The following CCDC7 variants were observed in gnomAD, a reference collection of about 807,000 sequenced individuals.
CCDC7 encodes the protein coiled-coil domain-containing protein 7.
A neutral mutation model predicts 196.9 loss-of-function variants in CCDC7; 183 were observed. The observed-to-expected ratio is 0.93, with a 90% confidence interval of 0.82 to 1.05. The LOEUF (loss-of-function observed/expected upper bound fraction) is 1.05. Ranked by LOEUF, CCDC7 falls within the 50% of genes least tolerant of loss-of-function variation. The pLI is 0.00. For missense variants in CCDC7, 1,540 were observed against 1,482.2 expected (o/e 1.04, Z -0.64); for synonymous variants, 525 against 484.6 (o/e 1.08, Z -1.10).
chr10:32,794,797 G>A (rs2083286786), intron 29 of CCDC7, among the ~76,000 whole-genome samples: 2 of 152,098 alleles, frequency 1.3e-5, no homozygotes, highest in African/African-American at 4.8e-5. Context: ...GCTGATTTAT[G>A]TTCCTTATAG....
rs141082524 is a variant in CCDC7 at position 32,509,916 on chromosome 10, A to C, written c.873-8029A>C. Among the ~76,000 whole-genome samples, 4 of 152,316 alleles carry C rather than the reference A, an allele frequency of 2.6e-5. No individual in the cohort carries two copies. The East Asian group carries it at 7.7e-4, about 29-fold the overall frequency. On this transcript the variant is annotated intron_variant, in intron 9 of 41. Transcript: ENST00000639629. ...TTAGCAAGGATTTGGAGAAAAGGGA[A>C]CCCTTCAACACTACTGGTGGGAATG...
chr10:32,466,060 C>T (rs1277189003), intron 5 of CCDC7, among the ~76,000 whole-genome samples: 2 of 152,114 alleles, frequency 1.3e-5, no homozygotes, highest in Admixed American at 6.6e-5. Context: ...ATCCATTTTG[C>T]CTGAAATCCC....
intron 3 of CCDC7, among the ~76,000 whole-genome samples, chr10:32,458,586 G>A (rs780908798): frequency 7.3e-5 from 11 of 151,554 alleles, no homozygotes; most frequent in Non-Finnish European, 1.3e-4. Context: ...TGGGCTTGAG[G>A]GATCCTCTTG....
At chr10:32,665,712 T>G (rs1338384731) in intron 21 of CCDC7, among the ~76,000 whole-genome samples, 3 of 152,036 alleles carry the variant, frequency 2.0e-5, no homozygotes, top group Non-Finnish European at 4.4e-5. Flanking sequence ...TCTTTTATGG[T>G]TACATATGAA....
chr10:32,570,169 C>T (rs1462005810), intron 15 of CCDC7, among the ~76,000 whole-genome samples: 1 of 152,172 alleles, frequency 6.6e-6, no homozygotes, highest in African/African-American at 2.4e-5. Context: ...TCTTCTCAGA[C>T]CTGCTTTATC....
intron 18 of CCDC7, among the ~76,000 whole-genome samples, chr10:32,615,161 T>A (rs2062642193): frequency 6.6e-6 from 1 of 152,182 alleles, no homozygotes; most frequent in South Asian, 2.1e-4. Context: ...GTTATCTTTT[T>A]GTATAATGAT....
chr10:32,482,306 G>A (rs2040120891), intron 8 of CCDC7, among the ~76,000 whole-genome samples: 1 of 151,782 alleles, frequency 6.6e-6, no homozygotes, highest in African/African-American at 2.4e-5. Flanking sequence ...CCTGAATAGT[G>A]AACATTGTAT....
rs2074950890 is a variant in CCDC7 at position 32,676,272 on chromosome 10, A to G, written c.2123-9698A>G. ...GACCTAAAACCATAAAAACCCTAGAAGAAAACCTAGGCAATACCATTCAGG... is the reference window on the plus strand; with the variant it reads ...GACCTAAAACCATAAAAACCCTAGAGGAAAACCTAGGCAATACCATTCAGG... On this transcript the variant is annotated intron_variant, in intron 21 of 41. Transcript: ENST00000639629. 2.7e-5 allele frequency among the ~76,000 whole-genome samples: 4 copies of G among 150,120 alleles called. No individual in the cohort carries two copies. The South Asian group carries it at 8.6e-4, about 32-fold the overall frequency.
chr10:32,723,112 T>C (rs11597442), intron 25 of CCDC7, among the ~76,000 whole-genome samples: 21,971 of 152,056 alleles, frequency 0.14, 1,912 homozygotes, highest in African/African-American at 0.25. Context: ...GCCCCATGGC[T>C]CACTACCTTG....
chr10:32,460,562 C>T (rs574996043), intron 3 of CCDC7, among the ~76,000 whole-genome samples: 11 of 152,056 alleles, frequency 7.2e-5, no homozygotes, highest in East Asian at 1.9e-4. Context: ...TTGAGAACCC[C>T]GGAATCTTTC....
intron 18 of CCDC7, among the ~76,000 whole-genome samples, chr10:32,596,891 A>G (rs1267765047): frequency 1.3e-5 from 2 of 152,196 alleles, no homozygotes; most frequent in Non-Finnish European, 2.9e-5. Flanking sequence ...CTGCCGAGAC[A>G]TCTGCTGTTA....
chr10:32,844,293 A>G (rs1369028241), intron 33 of CCDC7, among the ~76,000 whole-genome samples: 3 of 151,974 alleles, frequency 2.0e-5, no homozygotes, highest in Admixed American at 2.0e-4. Context: ...TGCTACTACA[A>G]GTTTACTTAC....
At chr10:32,492,271 A>G (rs1443146480) in intron 9 of CCDC7, among the ~76,000 whole-genome samples, 2 of 152,148 alleles carry the variant, frequency 1.3e-5, no homozygotes, top group Non-Finnish European at 2.9e-5. Flanking sequence ...GCTATGGGAA[A>G]ATAGTATATT....
At chr10:32,470,060 A>C (rs1316194756) in intron 5 of CCDC7, among the ~76,000 whole-genome samples, 1 of 152,020 alleles carries the variant, frequency 6.6e-6, no homozygotes, top group African/African-American at 2.4e-5. Context: ...TCTTCCACCT[A>C]TTCTGTGTTC....
intron 21 of CCDC7, among the ~76,000 whole-genome samples, chr10:32,666,225 A>T (rs1172804035): frequency 6.6e-6 from 1 of 150,998 alleles, no homozygotes; most frequent in Non-Finnish European, 1.5e-5. Context: ...TTACACTGAG[A>T]CCTAAAGATG....
intron 24 of CCDC7, among the ~76,000 whole-genome samples, chr10:32,697,083 C>T (rs762878542): frequency 1.3e-5 from 2 of 151,884 alleles, no homozygotes; most frequent in Admixed American, 6.6e-5. Flanking sequence ...AATTATACAC[C>T]ATAATGTAGA....
At chr10:32,843,490 A>G (rs1477453876) in intron 33 of CCDC7, among the ~76,000 whole-genome samples, 2 of 152,040 alleles carry the variant, frequency 1.3e-5, no homozygotes, top group African/African-American at 2.4e-5. Context: ...AACACTTTAC[A>G]TAGGCATATA....
chr10:32,489,974 G>T (rs1033169657), intron 8 of CCDC7, among the ~76,000 whole-genome samples: 4 of 152,096 alleles, frequency 2.6e-5, no homozygotes, highest in Non-Finnish European at 5.9e-5. Flanking sequence ...TTATCTGGGG[G>T]TTTAATGGTG....
chr10:32,453,340 A>T lies in CCDC7; in HGVS notation c.280-4A>T, dbSNP rs2133388059. 1.3e-6 allele frequency: 2 copies of T among 1,482,846 alleles called. No homozygotes were observed. The highest frequency in any genetic ancestry group is 5.0e-5 in the East Asian group (2 of 40,128). 91.9% of individuals were successfully genotyped at this position (1,482,846 alleles called of 1,614,324 possible). A position where few individuals can be genotyped will look rare whatever the true frequency, so the allele number is the denominator to read the frequency against. On this transcript the variant is annotated splice_region_variant and splice_polypyrimidine_tract_variant and intron_variant, in intron 1 of 41. Coordinates refer to ENST00000639629, the Ensembl canonical transcript of CCDC7. ...TCTAATTGGCTTTTATTTTTTTTTT[A>T]CAGGTTGTTTCCACTTTGGAAGAAA... is the stretch of plus-strand genomic sequence containing the variant.
Sources: gnomAD v4.1 joint callset for allele counts (sites outside exome capture counted in the v4.1 genomes callset) on GRCh38, gnomAD v4.1.1 for gene constraint, MANE v1.5 for transcripts, NCBI Gene and HGNC (gene_info 2026-07-23, HGNC 2026-07-21) for gene names.